GALNT18: variants seen among roughly 807,000 people sequenced by gnomAD.
GALNT18 encodes polypeptide N-acetylgalactosaminyltransferase 18.
A neutral mutation model predicts 69.5 loss-of-function variants in GALNT18; 44 were observed. The observed-to-expected ratio is 0.63, with a 90% CI of 0.50 to 0.81. The LOEUF (loss-of-function observed/expected upper bound fraction) is 0.81. Among genes scored for constraint, GALNT18 ranks in the 40% least tolerant of loss-of-function variants. The pLI, the probability that GALNT18 is intolerant of heterozygous loss-of-function variation, is 0.00. For missense variants in GALNT18, 715 were observed against 810.0 expected (o/e 0.88, Z 1.42); for synonymous variants, 364 against 318.2 (o/e 1.14, Z -1.53).
At chr11:11,274,023 C>A (rs929729735) in intron 10 of GALNT18, among the ~76,000 whole-genome samples, 2 of 152,096 alleles carry the variant, frequency 1.3e-5, no homozygotes, top group African/African-American at 4.8e-5. Flanking sequence ...GTGGGTGTAG[C>A]CCACGGAGGA....
intron 1 of GALNT18, among the ~76,000 whole-genome samples, chr11:11,599,510 T>C (rs1043820404): frequency 6.6e-6 from 1 of 152,066 alleles, no homozygotes; most frequent in African/African-American, 2.4e-5. Flanking sequence ...GTGTGTCTCC[T>C]GTAGACAGTG....
Position 11,372,711 on chromosome 11 carries a change from G to T in GALNT18, c.978-82C>A, listed in dbSNP as rs773095119. The T allele has an allele frequency of 6.5e-6, 7 of 1,071,018 alleles. No individual in the cohort carries two copies. Among genetic ancestry groups the T allele is most frequent in the Non-Finnish European group, 9.9e-6 (7 of 710,166 alleles). 66.3% of individuals were successfully genotyped at this position (1,071,018 alleles called of 1,614,324 possible). On this transcript the variant is annotated intron_variant, in intron 5 of 10. Coordinates refer to ENST00000227756, the MANE Select transcript of GALNT18 (RefSeq NM_198516.3). The surrounding 1 kb of genome is among the most constrained non-coding windows in gnomAD (Gnocchi z 4.9). ...AGCAGTAAGGCCTTCCTATCAGGAG[G>T]GTCTGGTTCTCTTCCTTCCTTTGCT...
intron 9 of GALNT18, among the ~76,000 whole-genome samples, chr11:11,319,949 A>T (rs1849815580): frequency 6.6e-6 from 1 of 152,168 alleles, no homozygotes; most frequent in South Asian, 2.1e-4. Context: ...TAAACGCTTT[A>T]TGTGCATTGA....
intron 1 of GALNT18, among the ~76,000 whole-genome samples, chr11:11,608,228 G>C (rs374842426): frequency 6.6e-6 from 1 of 152,158 alleles, no homozygotes; most frequent in African/African-American, 2.4e-5. Context: ...ATATATTCCT[G>C]ACCGTATTTT....
intron 1 of GALNT18, among the ~76,000 whole-genome samples, chr11:11,514,885 C>T (rs1025677098): frequency 3.9e-5 from 6 of 152,132 alleles, no homozygotes; most frequent in Non-Finnish European, 7.3e-5. Context: ...TTTGGTTGCT[C>T]ATGGGAGGAT....
intron 1 of GALNT18, among the ~76,000 whole-genome samples, chr11:11,533,802 T>C (rs1413158433): frequency 6.6e-6 from 1 of 152,240 alleles, no homozygotes; most frequent in Non-Finnish European, 1.5e-5. Flanking sequence ...CCAGTGCCAT[T>C]CCGAGTAGAT....
chr11:11,349,023 A>ATT (rs11458356), intron 6 of GALNT18, among the ~76,000 whole-genome samples: 15 of 151,884 alleles, frequency 9.9e-5, no homozygotes, highest in African/African-American at 3.4e-4. Flanking sequence ...ATTATCCTGA[A>ATT]TTTTTTTAAT....
chr11:11,384,858 A>C (rs1260385498), intron 3 of GALNT18, among the ~76,000 whole-genome samples: 1 of 152,242 alleles, frequency 6.6e-6, no homozygotes, highest in African/African-American at 2.4e-5. Flanking sequence ...CCCTTATGGA[A>C]TATCCATGCT....
At chr11:11,367,945 T>C (rs1490657514) in intron 6 of GALNT18, among the ~76,000 whole-genome samples, 1 of 152,236 alleles carries the variant, frequency 6.6e-6, no homozygotes, top group Non-Finnish European at 1.5e-5. Context: ...CCATACTGTG[T>C]TGTGCTATAA....
chr11:11,461,407 A>C lies in GALNT18; in HGVS notation c.236-12471T>G, dbSNP rs1008578255. 1.3e-5 allele frequency among the ~76,000 whole-genome samples: 2 copies of C among 152,240 alleles called. No homozygotes were observed. Among genetic ancestry groups the C allele is most frequent in the Non-Finnish European group, 2.9e-5 (2 of 68,046 alleles). ...ACTCCATGCCAACTATATAAAGTAC[A>C]TGTGAAAAAACTCATTTTAGAGAGT... On this transcript the variant is annotated intron_variant, in intron 1 of 10. Transcript: ENST00000227756. This position sits in a 1 kb window ranked among gnomAD's most constrained non-coding sequence, Gnocchi z 4.1.
In GALNT18 at chr11:11,562,892, C is replaced by T. The variant is rs1212152728; in HGVS notation, c.235+58467G>A. On this transcript the variant is annotated intron_variant, in intron 1 of 10. Transcript: ENST00000227756. The surrounding 1 kb of genome is among the most constrained non-coding windows in gnomAD (Gnocchi z 4.1). ...AGCTCGAGGCCTGGGCTTTCCCTTCCCATCACCCTGCCTCAGGCTTCATTC... is the reference window on the plus strand; with the variant it reads ...AGCTCGAGGCCTGGGCTTTCCCTTCTCATCACCCTGCCTCAGGCTTCATTC... Among the ~76,000 whole-genome samples, 1 of 152,138 alleles carries T rather than the reference C, an allele frequency of 6.6e-6. No individual in the cohort carries two copies. Among genetic ancestry groups the T allele is most frequent in the East Asian group, 1.9e-4 (1 of 5,202 alleles).
chr11:11,621,771 GCT>G lies in GALNT18; in HGVS notation c.-180_-179del. On this transcript the variant is annotated 5_prime_UTR_variant, in exon 1 of 11. Transcript: ENST00000227756. The surrounding 1 kb of genome is among the most constrained non-coding windows in gnomAD (Gnocchi z 9.3). ...TGTAGCCGCCGTGCCCAAGTTTGCA[GCT>G]CCTGCCGCTGGCCACCCGGAGAGAC... 1 of 600,316 alleles carries G rather than the reference GCT, an allele frequency of 1.7e-6. No individual in the cohort carries two copies. Among genetic ancestry groups the G allele is most frequent in the South Asian group, 2.0e-5 (1 of 49,504 alleles). 37.2% of individuals were successfully genotyped at this position (600,316 alleles called of 1,614,324 possible).
chr11:11,311,618 T>G (rs1203786556), intron 9 of GALNT18, among the ~76,000 whole-genome samples: 1 of 152,020 alleles, frequency 6.6e-6, no homozygotes, highest in African/African-American at 2.4e-5. Context: ...TAGAAGGAGG[T>G]GTCCCCTGCT....
chr11:11,337,307 C>T lies in GALNT18; in HGVS notation c.1278+3512G>A, dbSNP rs1017495396. ...AAGGCGTCACCAAGCTCTTACCATG[C>T]GCCCTGCCTTGTGCTAGATATAATG... On this transcript the variant is annotated intron_variant, in intron 7 of 10. Transcript: ENST00000227756. The surrounding 1 kb of genome is among the most constrained non-coding windows in gnomAD (Gnocchi z 4.9). 2.0e-5 allele frequency among the ~76,000 whole-genome samples: 3 copies of T among 152,150 alleles called. No individual in the cohort carries two copies. Among genetic ancestry groups the T allele is most frequent in the Admixed American group, 6.5e-5 (1 of 15,286 alleles).
chr11:11,274,561 A>G (rs1415552317), intron 10 of GALNT18, among the ~76,000 whole-genome samples: 1 of 152,172 alleles, frequency 6.6e-6, no homozygotes, highest in African/African-American at 2.4e-5. Context: ...AAAATTTTTT[A>G]TTATTGTACT....
In GALNT18 at chr11:11,461,246, G is replaced by C. The variant is rs984754458; in HGVS notation, c.236-12310C>G. Among the ~76,000 whole-genome samples, 1 of 152,232 alleles carries C rather than the reference G, an allele frequency of 6.6e-6. No homozygotes were observed. ...GGGACTTCTGGGCCTGGGTGTGTCT[G>C]AGTGTGCGGCTAGGATGGCTGGTGC... On this transcript the variant is annotated intron_variant, in intron 1 of 10. Coordinates refer to ENST00000227756, the MANE Select transcript of GALNT18 (RefSeq NM_198516.3). The surrounding 1 kb of genome is among the most constrained non-coding windows in gnomAD (Gnocchi z 4.1).
chr11:11,600,329 C>T lies in GALNT18; in HGVS notation c.235+21030G>A, dbSNP rs1207581662. On this transcript the variant is annotated intron_variant, in intron 1 of 10. Coordinates refer to ENST00000227756, the MANE Select transcript of GALNT18 (RefSeq NM_198516.3). The surrounding 1 kb of genome is among the most constrained non-coding windows in gnomAD (Gnocchi z 4.8). ...TCTTGTAAGATGGACCTGATAACAA[C>T]AAATTCTGTTTTTGTTTTTCTGGTA... Among the ~76,000 whole-genome samples, 1 of 152,032 alleles carries T rather than the reference C, an allele frequency of 6.6e-6. No individual in the cohort carries two copies. The highest frequency in any genetic ancestry group is 2.4e-5 in the African/African-American group (1 of 41,430).
intron 6 of GALNT18, chr11:11,353,231 T>C (rs1440787054): frequency 7.3e-7 from 1 of 1,362,798 alleles, no homozygotes; most frequent in Non-Finnish European, 1.0e-6. Context: ...TTCTTCACAC[T>C]GTGGTGGAAG....
chr11:11,556,883 C>T (rs963921020), intron 1 of GALNT18, among the ~76,000 whole-genome samples: 21 of 152,270 alleles, frequency 1.4e-4, no homozygotes, highest in African/African-American at 4.1e-4. Flanking sequence ...TGTACAGATC[C>T]TATTACTAGA....
Sources: allele counts gnomAD v4.1 joint callset (sites outside exome capture counted in the v4.1 genomes callset), GRCh38; gene constraint gnomAD v4.1.1; non-coding constraint Gnocchi (gnomAD v3.1); transcripts MANE v1.5; gene names NCBI Gene and HGNC (gene_info 2026-07-23, HGNC 2026-07-21).